The following TMTC1 variants were observed in gnomAD, a reference collection of about 807,000 sequenced individuals.
The protein encoded by TMTC1 is transmembrane O-mannosyltransferase targeting cadherins 1.
TMTC1 carries 73 observed loss-of-function variants against 104.8 expected under a neutral mutation model. The observed-to-expected ratio is 0.70, with a 90% CI of 0.58 to 0.85. The LOEUF is 0.85. Among genes scored for constraint, TMTC1 ranks in the 40% least tolerant of loss-of-function variants. The pLI is 0.00. For synonymous variants in TMTC1, 434 were observed against 428.7 expected (o/e 1.01, Z -0.15); for missense variants, 1,035 against 1,096.1 (o/e 0.94, Z 0.79).
Position 29,783,313 on chromosome 12 carries a change from T to C in TMTC1, c.302+137A>G. On this transcript the variant is annotated intron_variant, in intron 1 of 17. Coordinates refer to ENST00000539277, the MANE Select transcript of TMTC1 (RefSeq NM_001193451.2). The surrounding 1 kb of genome is among the most constrained non-coding windows in gnomAD (Gnocchi z 4.7). ...CCGGAGCAAAGTGCCATGCACATCC[T>C]GGAGAGGAGGGAGGCGTGGAGGGAA... is the stretch of plus-strand genomic sequence containing the variant. 2 of 768,652 alleles carry C rather than the reference T, an allele frequency of 2.6e-6. No individual in the cohort carries two copies. The highest frequency in any genetic ancestry group is 3.6e-6 in the Non-Finnish European group (2 of 562,686). 47.6% of individuals were successfully genotyped at this position (768,652 alleles called of 1,614,324 possible).
intron 6 of TMTC1, among the ~76,000 whole-genome samples, chr12:29,632,225 A>G (rs932567520): frequency 3.3e-5 from 5 of 152,210 alleles, no homozygotes; most frequent in African/African-American, 1.2e-4. Context: ...TAGATCTGAC[A>G]GGATGGAAAG....
intron 6 of TMTC1, among the ~76,000 whole-genome samples, chr12:29,615,293 A>G (rs539973567): frequency 6.6e-6 from 1 of 152,302 alleles, no homozygotes; most frequent in South Asian, 2.1e-4. Context: ...TCTGTCCTCC[A>G]GCTCTCCTGT....
intron 5 of TMTC1, among the ~76,000 whole-genome samples, chr12:29,697,035 C>T (rs1941444160): frequency 6.6e-6 from 1 of 152,176 alleles, no homozygotes; most frequent in Non-Finnish European, 1.5e-5. Flanking sequence ...ATCATAAGTT[C>T]CATGAAAGCA....
chr12:29,783,502 C>T lies in TMTC1; in HGVS notation c.250G>A (p.Ala84Thr). The T allele has an allele frequency of 7.0e-7, 1 of 1,420,390 alleles. No individual in the cohort carries two copies. 88.0% of individuals were successfully genotyped at this position (1,420,390 alleles called of 1,614,324 possible). Residue 84 changes from alanine to threonine, a missense_variant, in exon 1 of 18, where the codon GCC becomes ACC. By Grantham distance (58) the Ala-to-Thr change is moderately conservative (BLOSUM62 0). Coordinates refer to ENST00000539277, the MANE Select transcript of TMTC1 (RefSeq NM_001193451.2). The surrounding 1 kb of genome is among the most constrained non-coding windows in gnomAD (Gnocchi z 4.7). ...FTNDFWGKGM[A>T]ENTSHKSYRP... is the part of the protein sequence containing the mutation. ...TAGGACTTGTGGCTGGTGTTCTCGG[C>T]CATGCCCTTGCCCCAGAAGTCGTTG...
chr12:29,700,896 A>T (rs1207212099), intron 5 of TMTC1, among the ~76,000 whole-genome samples: 1 of 152,180 alleles, frequency 6.6e-6, no homozygotes, highest in Non-Finnish European at 1.5e-5. Flanking sequence ...TACATTACTC[A>T]TTGTCGTGAC....
At chr12:29,701,034 T>G (rs1941575841) in intron 5 of TMTC1, among the ~76,000 whole-genome samples, 1 of 152,040 alleles carries the variant, frequency 6.6e-6, no homozygotes, top group African/African-American at 2.4e-5. Context: ...CTTTCTTTTT[T>G]TTTTTTTTCT....
At chr12:29,699,755 C>T (rs1039533882) in intron 5 of TMTC1, among the ~76,000 whole-genome samples, 4 of 148,612 alleles carry the variant, frequency 2.7e-5, no homozygotes, top group African/African-American at 1.0e-4. Flanking sequence ...CGGGCTCAAG[C>T]GATCCTCCTG....
intron 5 of TMTC1, among the ~76,000 whole-genome samples, chr12:29,675,589 T>TACAC (rs10605906): frequency 0.016 from 1,841 of 116,576 alleles, 14 homozygotes; most frequent in South Asian, 0.037. Context: ...CACATGCAAA[T>TACAC]ACACACACAC....
At chr12:29,666,250 C>G in intron 5 of TMTC1, 1 of 364,260 alleles carries the variant, frequency 2.7e-6, no homozygotes, top group Non-Finnish European at 5.1e-6. Context: ...TTTTTGGAGA[C>G]GGAGTCTCGC....
intron 9 of TMTC1, among the ~76,000 whole-genome samples, chr12:29,567,210 T>TA (rs1000687399): frequency 6.6e-6 from 1 of 152,230 alleles, no homozygotes; most frequent in Non-Finnish European, 1.5e-5. Context: ...TGCTCCTTAA[T>TA]AAACTTCCTG....
chr12:29,676,383 T>C (rs1940725790), intron 5 of TMTC1, among the ~76,000 whole-genome samples: 1 of 152,226 alleles, frequency 6.6e-6, no homozygotes. Context: ...TCCAATTTTC[T>C]GGGTCCTATC....
chr12:29,532,261 G>T (rs1387117553), intron 11 of TMTC1, among the ~76,000 whole-genome samples: 2 of 152,014 alleles, frequency 1.3e-5, no homozygotes, highest in Non-Finnish European at 2.9e-5. Context: ...CACTGCTGGT[G>T]GCAGAGTAAA....
At chr12:29,583,988 C>T (rs548565832) in intron 7 of TMTC1, among the ~76,000 whole-genome samples, 1 of 152,256 alleles carries the variant, frequency 6.6e-6, no homozygotes, top group South Asian at 2.1e-4. Flanking sequence ...TGCAGCAGGT[C>T]ACACCACAGC....
At chr12:29,712,950 C>T (rs1941970383) in intron 5 of TMTC1, among the ~76,000 whole-genome samples, 1 of 152,112 alleles carries the variant, frequency 6.6e-6, no homozygotes, top group Non-Finnish European at 1.5e-5. Context: ...TTTGTTCAAA[C>T]ACCAGGCTAG....
intron 15 of TMTC1, among the ~76,000 whole-genome samples, chr12:29,515,880 G>A (rs1363530281): frequency 6.6e-6 from 1 of 151,234 alleles, no homozygotes; most frequent in Non-Finnish European, 1.5e-5. Flanking sequence ...CTTTTAAAAT[G>A]GAGATAATAA....
chr12:29,685,125 T>G (rs1208072447), intron 5 of TMTC1, among the ~76,000 whole-genome samples: 2 of 152,124 alleles, frequency 1.3e-5, no homozygotes, highest in African/African-American at 4.8e-5. Flanking sequence ...AATGATTTAT[T>G]TCAACTCTAA....
intron 12 of TMTC1, 98 bp from the exon 13 acceptor site, chr12:29,518,705 T>C: frequency 1.4e-6 from 2 of 1,448,010 alleles, no homozygotes; most frequent in Non-Finnish European, 1.9e-6. Context: ...TTTCTCATTA[T>C]TACAGAGTTA....
intron 5 of TMTC1, among the ~76,000 whole-genome samples, chr12:29,669,563 T>C (rs12316649): frequency 0.018 from 2,685 of 152,314 alleles, 70 homozygotes; most frequent in African/African-American, 0.062. Context: ...AGATACCAGA[T>C]GTAGAAACAA....
At chr12:29,768,870 CTGAAGGT>C (rs1943533808) in intron 1 of TMTC1, among the ~76,000 whole-genome samples, 1 of 152,170 alleles carries the variant, frequency 6.6e-6, no homozygotes, top group Non-Finnish European at 1.5e-5. Context: ...AGACAGACTT[CTGAAGGT>C]TGCCTTAAAT....
Sources: gnomAD v4.1 joint callset for allele counts (sites outside exome capture counted in the v4.1 genomes callset) on GRCh38, gnomAD v4.1.1 for gene constraint, Gnocchi (gnomAD v3.1) non-coding constraint, MANE v1.5 for transcripts, NCBI Gene and HGNC (gene_info 2026-07-23, HGNC 2026-07-21) for gene names.